The following ARHGAP15 variants were observed in gnomAD, a reference collection of about 807,000 sequenced individuals.
ARHGAP15 encodes the protein rho GTPase-activating protein 15.
Under a neutral mutation model 63.7 loss-of-function variants are expected in ARHGAP15, and 51 were observed. The ratio of observed to expected loss-of-function variants is 0.80; its 90% CI spans 0.64 to 1.01. The LOEUF is 1.01. ARHGAP15 is among the 50% of genes least tolerant of loss of function. ARHGAP15 has a pLI of 0.00. For synonymous variants in ARHGAP15, 191 were observed against 193.8 expected, an observed-to-expected ratio of 0.99 and a Z score of 0.12; for missense variants, 560 against 564.6, an observed-to-expected ratio of 0.99 and a Z score of 0.08.
At chr2:143,168,981 AG>A (rs1376240059) in intron 2 of ARHGAP15, among the ~76,000 whole-genome samples, 1 of 152,076 alleles carries the variant, frequency 6.6e-6, no homozygotes, top group African/African-American at 2.4e-5. Flanking sequence ...ACCAAATAGA[AG>A]CCTTAATGGA....
intron 6 of ARHGAP15, among the ~76,000 whole-genome samples, chr2:143,299,809 G>A (rs942641685): frequency 2.0e-5 from 3 of 151,916 alleles, no homozygotes; most frequent in Admixed American, 6.6e-5. Context: ...GTTTTACCAT[G>A]AATTAAGACA....
intron 12 of ARHGAP15, among the ~76,000 whole-genome samples, chr2:143,636,516 G>A (rs950604730): frequency 1.3e-5 from 2 of 152,092 alleles, no homozygotes; most frequent in African/African-American, 2.4e-5. Context: ...GAGCTTCTGC[G>A]AGCTGGGCCC....
chr2:143,362,736 T>A (rs1686118049), intron 6 of ARHGAP15, among the ~76,000 whole-genome samples: 1 of 152,196 alleles, frequency 6.6e-6, no homozygotes, highest in Non-Finnish European at 1.5e-5. Context: ...ACTACTTGGT[T>A]GTACAAGGTA....
chr2:143,330,782 A>G (rs1033759827), intron 6 of ARHGAP15, among the ~76,000 whole-genome samples: 1 of 152,214 alleles, frequency 6.6e-6, no homozygotes, highest in African/African-American at 2.4e-5. Flanking sequence ...CTAAAGTAAT[A>G]TGTTTGGTAA....
At chr2:143,633,952 T>A (rs1195058672) in intron 12 of ARHGAP15, among the ~76,000 whole-genome samples, 1 of 152,024 alleles carries the variant, frequency 6.6e-6, no homozygotes, top group Admixed American at 6.6e-5. Flanking sequence ...AGGAGAATGG[T>A]CTCTCCTATT....
chr2:143,762,645 A>G (rs999623244), intron 13 of ARHGAP15, among the ~76,000 whole-genome samples: 1 of 152,190 alleles, frequency 6.6e-6, no homozygotes, highest in Non-Finnish European at 1.5e-5. Context: ...CAAAAAAGAG[A>G]ACCTATGTAC....
chr2:143,736,411 A>G (rs1460994137), intron 13 of ARHGAP15, among the ~76,000 whole-genome samples: 1 of 151,508 alleles, frequency 6.6e-6, no homozygotes, highest in Non-Finnish European at 1.5e-5. Flanking sequence ...AAAAAAAAGC[A>G]AAAAAACAAA....
chr2:143,727,112 A>G (rs559239432), intron 13 of ARHGAP15, among the ~76,000 whole-genome samples: 9 of 152,268 alleles, frequency 5.9e-5, no homozygotes, highest in African/African-American at 1.9e-4. Context: ...CTGAGGCTGT[A>G]CTTGTATGCA....
intron 2 of ARHGAP15, among the ~76,000 whole-genome samples, chr2:143,169,988 A>G (rs1364998489): frequency 6.6e-6 from 1 of 151,946 alleles, no homozygotes; most frequent in African/African-American, 2.4e-5. Context: ...GAAAATTGCT[A>G]TTATCATTAT....
intron 10 of ARHGAP15, among the ~76,000 whole-genome samples, chr2:143,544,073 G>A (rs1358139678): frequency 6.6e-6 from 1 of 152,144 alleles, no homozygotes; most frequent in Non-Finnish European, 1.5e-5. Context: ...GGTATAAATT[G>A]TCCAGGGAAA....
At chr2:143,678,916 A>T (rs1406024615) in intron 12 of ARHGAP15, among the ~76,000 whole-genome samples, 1 of 152,176 alleles carries the variant, frequency 6.6e-6, no homozygotes, top group African/African-American at 2.4e-5. Flanking sequence ...GAAAGCATAC[A>T]TTTTTTAGTG....
intron 2 of ARHGAP15, among the ~76,000 whole-genome samples, chr2:143,167,685 C>CT (rs1408352583): frequency 1.3e-5 from 2 of 152,094 alleles, no homozygotes; most frequent in Non-Finnish European, 2.9e-5. Flanking sequence ...CTGTTTCAGA[C>CT]TTTTCCTCAT....
chr2:143,610,673 GC>G (rs1698215345), intron 11 of ARHGAP15, among the ~76,000 whole-genome samples: 1 of 152,162 alleles, frequency 6.6e-6, no homozygotes, highest in African/African-American at 2.4e-5. Context: ...GCTTGGGTTA[GC>G]AGTGGGCCAT....
intron 11 of ARHGAP15, among the ~76,000 whole-genome samples, chr2:143,567,937 G>C (rs1203115064): frequency 6.6e-6 from 1 of 152,044 alleles, no homozygotes; most frequent in African/African-American, 2.4e-5. Context: ...ATAAAATAAG[G>C]CCTAAATGCT....
At chr2:143,638,763 T>A (rs1413191905) in intron 12 of ARHGAP15, among the ~76,000 whole-genome samples, 2 of 151,262 alleles carry the variant, frequency 1.3e-5, no homozygotes, top group Non-Finnish European at 2.9e-5. Flanking sequence ...GGACAACATT[T>A]AGAAAGAATT....
chr2:143,216,403 A>G lies in ARHGAP15; in HGVS notation c.254A>G (p.Tyr85Cys), dbSNP rs1692758503. The change falls in exon 4 of 14, where the codon TAT (tyrosine) becomes TGT (cysteine). Residue 85 changes from tyrosine to cysteine, a missense_variant. By Grantham distance (194) the Tyr-to-Cys change is radical. Coordinates refer to ENST00000295095, the MANE Select transcript of ARHGAP15 (RefSeq NM_018460.4). The part of the protein sequence containing the change: ...LEQLMVEKEG[Y>C]LQKAKIADGG... ...TTGCAGATGGTTGAAAAAGAAGGTT[A>G]TCTGCAAAAAGCTAAAATTGCAGAT... 8.7e-6 allele frequency: 14 copies of G among 1,610,970 alleles called. No homozygotes were observed. The highest frequency in any genetic ancestry group is 1.3e-5 in the African/African-American group (1 of 74,742).
chr2:143,455,005 C>T (rs939374921), intron 8 of ARHGAP15, among the ~76,000 whole-genome samples: 28 of 151,898 alleles, frequency 1.8e-4, no homozygotes, highest in African/African-American at 6.5e-4. Context: ...GAAGGGGCTC[C>T]CAATCCAGAC....
intron 2 of ARHGAP15, among the ~76,000 whole-genome samples, chr2:143,188,866 C>T (rs1691556350): frequency 6.6e-6 from 1 of 151,826 alleles, no homozygotes; most frequent in Non-Finnish European, 1.5e-5. Flanking sequence ...CCTTGTGATC[C>T]ACCTGCCTCG....
chr2:143,767,916 T>A, intron 13 of ARHGAP15, 73 bp from the exon 14 acceptor site: 1 of 1,408,024 alleles, frequency 7.1e-7, no homozygotes, highest in Non-Finnish European at 9.7e-7. Flanking sequence ...GAAACCTTTT[T>A]TAATCACTCC....
Sources: gnomAD v4.1 joint callset for allele counts (sites outside exome capture counted in the v4.1 genomes callset) on GRCh38, gnomAD v4.1.1 for gene constraint, MANE v1.5 for transcripts, NCBI Gene and HGNC (gene_info 2026-07-23, HGNC 2026-07-21) for gene names.